The following TCFL5 variants were observed in gnomAD, a reference collection of about 807,000 sequenced individuals.
TCFL5 encodes the protein transcription factor-like 5 protein.
A neutral mutation model predicts 44.3 loss-of-function variants in TCFL5; 9 were observed. That is an observed-to-expected ratio of 0.20 (90% CI 0.12 to 0.35). The LOEUF is 0.35. Among genes scored for constraint, TCFL5 ranks in the 10% least tolerant of loss-of-function variants. The pLI is 1.00. For missense variants in TCFL5, 603 were observed against 613.4 expected, an observed-to-expected ratio of 0.98 and a Z score of 0.18; for synonymous variants, 319 against 271.6, an observed-to-expected ratio of 1.17 and a Z score of -1.72.
At position 62,861,511 on chromosome 20, in the gene TCFL5, A is replaced by G; in HGVS notation, c.160T>C (p.Tyr54His). The G allele has an allele frequency of 8.4e-7, 1 of 1,188,724 alleles. No individual in the cohort carries two copies. Among genetic ancestry groups the G allele is most frequent in the Admixed American group, 3.4e-5 (1 of 29,232 alleles). The allele number at this position is 1,188,724 out of a possible 1,614,324, so 73.6% of individuals were successfully genotyped here. Residue 54 changes from tyrosine to histidine, a missense_variant, in exon 1 of 6, where the codon TAC becomes CAC. Physicochemically the swap from Tyr to His is moderately conservative, Grantham distance 83. Around this residue, in one of 4 missense-constraint regions of TCFL5, gnomAD observed 540 missense variants for 478.7 expected, o/e 1.13. Coordinates refer to ENST00000335351, the MANE Select transcript of TCFL5 (RefSeq NM_006602.4). This position sits in a 1 kb window ranked among gnomAD's most constrained non-coding sequence, Gnocchi z 4.0. ...CAGAGGATGTGCTGCAGCTGCGTGTACTCCACCTCCGTCATCTCCACCAGG... is the reference window on the plus strand; with the variant it reads ...CAGAGGATGTGCTGCAGCTGCGTGTGCTCCACCTCCGTCATCTCCACCAGG... ...LSLVEMTEVE[Y>H]TQLQHILCSH...
In TCFL5 at chr20:62,854,185, G is replaced by C. The variant is rs756814482; in HGVS notation, c.1239-28C>G. 2.5e-6 allele frequency: 4 copies of C among 1,611,166 alleles called. No individual in the cohort carries two copies. In the East Asian group the frequency reaches 6.7e-5, roughly 27 times the overall value. On this transcript the variant is annotated intron_variant, in intron 4 of 5. Coordinates refer to ENST00000335351, the MANE Select transcript of TCFL5 (RefSeq NM_006602.4). ...ATAGTCAAAACCCAAAGTCATCACC[G>C]AGAGAGACCGGAGCAAAACAAACAT...
chr20:62,851,832 TG>T, intron 5 of TCFL5: 1 of 985,228 alleles, frequency 1.0e-6, no homozygotes, highest in Non-Finnish European at 1.2e-6. Context: ...TCTTTTGAGA[TG>T]GAGTCTCGCT....
chr20:62,850,868 A>G (rs1202823239), intron 5 of TCFL5, among the ~76,000 whole-genome samples: 1 of 151,874 alleles, frequency 6.6e-6, no homozygotes, highest in Non-Finnish European at 1.5e-5. Context: ...CGACCACCCA[A>G]CATCACCCAA....
At chr20:62,859,705 A>T (rs4809427) in intron 2 of TCFL5, among the ~76,000 whole-genome samples, 179 bp from the exon 3 acceptor site, 60,371 of 151,470 alleles carry the variant, frequency 0.4, 14,147 homozygotes, top group African/African-American at 0.67. Context: ...TTTCACAGGT[A>T]TTTTTTTGTT....
At chr20:62,860,055 C>T (rs6010769) in intron 2 of TCFL5, 70 bp downstream of exon 2, 6 of 1,490,102 alleles carry the variant, frequency 4.0e-6, no homozygotes, top group African/African-American at 1.4e-5. Context: ...TACTTGGGAC[C>T]TAACCAAAAT....
Position 62,857,339 on chromosome 20 carries a change from T to A in TCFL5, c.1238+56A>T, listed in dbSNP as rs6011423. On this transcript the variant is annotated intron_variant, in intron 4 of 5. Transcript: ENST00000335351. ...AAGGATCACTCATCTGTGATAACCA[T>A]GTATGACTAAGGTAATCATATATGA... 1.4e-5 allele frequency: 23 copies of A among 1,597,586 alleles called. No homozygotes were observed. The African/African-American group carries it at 2.4e-4, about 17-fold the overall frequency.
intron 5 of TCFL5, among the ~76,000 whole-genome samples, chr20:62,849,711 C>A (rs987369501): frequency 6.6e-6 from 1 of 152,142 alleles, no homozygotes; most frequent in Admixed American, 6.5e-5. Flanking sequence ...GTAATCCCAG[C>A]ACTTTGGAAG....
chr20:62,850,668 C>A (rs990401767), intron 5 of TCFL5, among the ~76,000 whole-genome samples: 2 of 152,186 alleles, frequency 1.3e-5, no homozygotes, highest in Non-Finnish European at 2.9e-5. Context: ...TGATATGGGT[C>A]ATGTCACTCA....
chr20:62,848,796 G>T (rs4809424), intron 5 of TCFL5, among the ~76,000 whole-genome samples: 40,027 of 151,990 alleles, frequency 0.26, 5,418 homozygotes, highest in Middle Eastern at 0.32. Context: ...CCAGCACTTT[G>T]GGAGGCTGAG....
intron 5 of TCFL5, chr20:62,845,788 G>A (rs1165827345): frequency 1.9e-5 from 30 of 1,605,058 alleles, no homozygotes; most frequent in Non-Finnish European, 2.5e-5. Context: ...CTGGAGAATG[G>A]GGAAGGTGTG....
chr20:62,851,308 G>A (rs1251806710), intron 5 of TCFL5, among the ~76,000 whole-genome samples: 3 of 152,072 alleles, frequency 2.0e-5, no homozygotes, highest in South Asian at 2.1e-4. Flanking sequence ...TTACATTTAA[G>A]AAATATTCAG....
At chr20:62,844,055 T>C (rs142851646) in intron 5 of TCFL5, among the ~76,000 whole-genome samples, 13 of 152,348 alleles carry the variant, frequency 8.5e-5, no homozygotes, top group African/African-American at 2.6e-4. Context: ...TGAATATTCA[T>C]AGAAAAGCAT....
intron 5 of TCFL5, among the ~76,000 whole-genome samples, chr20:62,844,576 TTTTTTG>T (rs1372888537): frequency 0.054 from 7,106 of 132,296 alleles, 224 homozygotes; most frequent in African/African-American, 0.15. Context: ...TTTTTGTTTG[TTTTTTG>T]TTTTTTTTTT....
At chr20:62,846,206 C>T (rs570331754) in intron 5 of TCFL5, 1 of 884,780 alleles carries the variant, frequency 1.1e-6, no homozygotes, top group South Asian at 1.6e-5. Flanking sequence ...TAATCATCCT[C>T]AGACATAACT....
chr20:62,855,431 C>A (rs935796662), intron 4 of TCFL5, among the ~76,000 whole-genome samples: 1 of 152,214 alleles, frequency 6.6e-6, no homozygotes, highest in Non-Finnish European at 1.5e-5. Flanking sequence ...CAGTCATGAG[C>A]CACTGCACCC....
chr20:62,848,812 C>T (rs1302768166), intron 5 of TCFL5, among the ~76,000 whole-genome samples: 2 of 151,656 alleles, frequency 1.3e-5, no homozygotes, highest in African/African-American at 2.4e-5. Context: ...CTGAGACAGG[C>T]GGATCACAAG....
rs2063994462 is a variant in TCFL5 at position 62,861,068 on chromosome 20, C to G, written c.603G>C (p.Ala201=). The G allele has an allele frequency of 1.0e-6, 1 of 995,770 alleles. No individual in the cohort carries two copies. The highest frequency in any genetic ancestry group is 1.2e-6 in the Non-Finnish European group (1 of 838,648). 61.7% of individuals were successfully genotyped at this position (995,770 alleles called of 1,614,324 possible). The part of the protein sequence containing the change: ...FNSIPAEPPP[A]PRGPEPPEPG... ...GCTCGGGGGGCTCGGGGCCGCGCGGCGCGGGCGGCGGCTCGGCGGGGATGC... is the reference window on the plus strand; with the variant it reads ...GCTCGGGGGGCTCGGGGCCGCGCGGGGCGGGCGGCGGCTCGGCGGGGATGC... Residue 201 remains alanine, a synonymous_variant, in exon 1 of 6, where the codon GCG becomes GCC. Coordinates refer to ENST00000335351, the MANE Select transcript of TCFL5 (RefSeq NM_006602.4). The surrounding 1 kb of genome is among the most constrained non-coding windows in gnomAD (Gnocchi z 4.0).
intron 5 of TCFL5, among the ~76,000 whole-genome samples, chr20:62,848,886 T>C (rs1191898971): frequency 6.6e-6 from 1 of 151,192 alleles, no homozygotes; most frequent in Non-Finnish European, 1.5e-5. Flanking sequence ...ATACAAAAAT[T>C]AGCTGGGTGT....
chr20:62,861,641 C>A lies in TCFL5; in HGVS notation c.30G>T (p.Pro10=), dbSNP rs2064013220. ...CGCCGCCTGCCGCGCCTGCCTCCGG[C>A]GGCGGCTCCCGCGGTCCGGGGCCCG... The part of the protein sequence containing the change: MSGPGPREP[P]PEAGAAGGEA... The change falls in exon 1 of 6, where the codon CCG becomes CCT. Residue 10 remains proline, a synonymous_variant. Transcript: ENST00000335351. This position sits in a 1 kb window ranked among gnomAD's most constrained non-coding sequence, Gnocchi z 4.0. 1 of 969,934 alleles carries A rather than the reference C, an allele frequency of 1.0e-6. No homozygotes were observed. The highest frequency in any genetic ancestry group is 1.2e-6 in the Non-Finnish European group (1 of 816,414). 60.1% of individuals were successfully genotyped at this position (969,934 alleles called of 1,614,324 possible). A position where few individuals can be genotyped will look rare whatever the true frequency, so the allele number is the denominator to read the frequency against.
Sources: allele counts gnomAD v4.1 joint callset (sites outside exome capture counted in the v4.1 genomes callset), GRCh38; gene constraint gnomAD v4.1.1; regional missense constraint gnomAD v4.1.1; non-coding constraint Gnocchi (gnomAD v3.1); transcripts MANE v1.5; gene names NCBI Gene and HGNC (gene_info 2026-07-23, HGNC 2026-07-21).